The following NEK10 variants were observed in gnomAD, a reference collection of about 807,000 sequenced individuals.
NEK10 encodes the protein serine/threonine-protein kinase Nek10.
In NEK10, 122 loss-of-function variants were observed where a neutral mutation model predicts 159.8. The observed-to-expected ratio is 0.76, with a 90% CI of 0.66 to 0.89. NEK10 has a LOEUF of 0.89. NEK10 is among the 40% of genes least tolerant of loss of function. The pLI is 0.00. For missense variants in NEK10, 1,342 were observed against 1,323.1 expected, an observed-to-expected ratio of 1.01 and a Z score of -0.22; for synonymous variants, 466 against 457.1, an observed-to-expected ratio of 1.02 and a Z score of -0.25.
chr3:27,196,998 C>G (rs1204379398), intron 25 of NEK10, among the ~76,000 whole-genome samples: 1 of 151,922 alleles, frequency 6.6e-6, no homozygotes. Flanking sequence ...TGATGATTGC[C>G]AAAATTGCTC....
chr3:27,226,235 C>T (rs1262022242), intron 23 of NEK10, among the ~76,000 whole-genome samples: 14 of 150,542 alleles, frequency 9.3e-5, no homozygotes, highest in Admixed American at 8.6e-4. Context: ...TTAGTAGAGA[C>T]AGGGTTTCAC....
In NEK10 at chr3:27,314,328, T is replaced by C; in HGVS notation, c.458A>G (p.His153Arg). 1 of 1,599,958 alleles carries C rather than the reference T, an allele frequency of 6.3e-7. No homozygotes were observed. Among genetic ancestry groups the C allele is most frequent in the Non-Finnish European group, 8.5e-7 (1 of 1,170,938 alleles). The stretch of plus-strand genomic sequence containing the variant: ...TAGGTTTTCAATCCCACCCAAGCTA[T>C]GGAGTATTTCCTAATAAAATAAAAG... ...MRDPCYQEIL[H>R]SLGGIENLAQ... is the part of the protein sequence containing the mutation. Residue 153 changes from histidine to arginine, a missense_variant, in exon 7 of 36, where the codon CAT becomes CGT. By Grantham distance (29) the His-to-Arg change is conservative (BLOSUM62 0). Transcript: ENST00000691995.
At position 27,215,475 on chromosome 3, in the gene NEK10, A is replaced by G. The variant is rs181163511; in HGVS notation, c.2091-12918T>C. 23 of 397,050 alleles carry G rather than the reference A, an allele frequency of 5.8e-5. No individual in the cohort carries two copies. The East Asian group carries it at 8.8e-4, about 15-fold the overall frequency. 24.6% of individuals were successfully genotyped at this position (397,050 alleles called of 1,614,324 possible). On this transcript the variant is annotated intron_variant, in intron 23 of 35. Transcript: ENST00000691995. ...AATGACCTGTTCAGTGTGTTATAAG[A>G]ATTGCCAAATGCAATACATTTTTAA...
chr3:27,248,013 A>G (rs920513352), intron 23 of NEK10, among the ~76,000 whole-genome samples: 62 of 151,406 alleles, frequency 4.1e-4, no homozygotes, highest in African/African-American at 1.5e-3. Flanking sequence ...GGTTTTCTTT[A>G]CTGGGAGACT....
chr3:27,152,275 T>A (rs751875800), intron 30 of NEK10, among the ~76,000 whole-genome samples: 11 of 152,176 alleles, frequency 7.2e-5, no homozygotes, highest in Non-Finnish European at 1.3e-4. Context: ...GGAAAACCTA[T>A]CAGATTAATA....
chr3:27,299,405 T>C (rs988093453), intron 13 of NEK10, among the ~76,000 whole-genome samples: 1 of 152,132 alleles, frequency 6.6e-6, no homozygotes. Context: ...AGAGGATGTA[T>C]GGAAATGCCT....
intron 31 of NEK10, among the ~76,000 whole-genome samples, chr3:27,139,263 T>C (rs1002364098): frequency 2.0e-5 from 3 of 152,198 alleles, no homozygotes; most frequent in Non-Finnish European, 1.5e-5. Flanking sequence ...TGAGCCTTCA[T>C]AGCAATTAAA....
intron 1 of NEK10, among the ~76,000 whole-genome samples, chr3:27,361,919 A>G (rs544488252): frequency 1.3e-5 from 2 of 152,306 alleles, no homozygotes; most frequent in African/African-American, 4.8e-5. Flanking sequence ...ATCTCTTTAC[A>G]ATCCAATGTG....
Position 27,280,270 on chromosome 3 carries a change from C to A in NEK10, c.2014+4332G>T, listed in dbSNP as rs1003303518. 2.0e-5 allele frequency among the ~76,000 whole-genome samples: 3 copies of A among 151,374 alleles called. No individual in the cohort carries two copies. In the Admixed American group the frequency reaches 2.0e-4, roughly 10 times the overall value. ...TGTCAGACTCAGCAGAGCAAAAATG[C>A]TACCCATGCATCTGAGGAGGAAGGC... On this transcript the variant is annotated intron_variant, in intron 22 of 35. Coordinates refer to ENST00000691995, the MANE Select transcript of NEK10 (RefSeq NM_001394966.1).
intron 5 of NEK10, among the ~76,000 whole-genome samples, chr3:27,339,778 CAAAA>C (rs33927068): frequency 8.3e-6 from 1 of 119,914 alleles, no homozygotes; most frequent in Admixed American, 8.5e-5. Flanking sequence ...GACTCCATCT[CAAAA>C]AAAAAAAAAA....
intron 6 of NEK10, among the ~76,000 whole-genome samples, chr3:27,319,728 T>C (rs2045479514): frequency 6.9e-6 from 1 of 144,912 alleles, no homozygotes; most frequent in Admixed American, 7.3e-5. Flanking sequence ...ACTTCTGAAA[T>C]ATGAGGGAAG....
chr3:27,241,078 TG>T (rs1387789751), intron 23 of NEK10, among the ~76,000 whole-genome samples: 6 of 152,108 alleles, frequency 3.9e-5, no homozygotes, highest in Non-Finnish European at 5.9e-5. Flanking sequence ...TGGGCATGAC[TG>T]GGGGAAAAAA....
chr3:27,300,273 T>A (rs1305534566), intron 13 of NEK10, among the ~76,000 whole-genome samples: 1 of 152,196 alleles, frequency 6.6e-6, no homozygotes, highest in Admixed American at 6.5e-5. Flanking sequence ...TTAAAATGTT[T>A]TTTTTGTAAA....
intron 5 of NEK10, among the ~76,000 whole-genome samples, chr3:27,341,269 T>G (rs2047184222): frequency 6.6e-6 from 1 of 152,120 alleles, no homozygotes; most frequent in Non-Finnish European, 1.5e-5. Context: ...ATGAAAGGTA[T>G]GAGTTCCATC....
At chr3:27,286,797 T>G (rs933673350) in intron 20 of NEK10, among the ~76,000 whole-genome samples, 1 of 152,042 alleles carries the variant, frequency 6.6e-6, no homozygotes, top group African/African-American at 2.4e-5. Context: ...CAACCTTGAT[T>G]TTTTTGAAGG....
Position 27,202,504 on chromosome 3 carries a change from A to ACTGCCCAGACATCAGCCTT in NEK10, c.2125_2143dup (p.Val715GlufsTer3). On this transcript the variant is annotated stop_gained and frameshift_variant, in exon 24 of 36. Transcript: ENST00000691995. LOFTEE classifies it high-confidence loss of function. ...CGCCATCTGATAAAGGATGCAGCCTACTGCCCAGACATCAGCCTTCTCCCC... is the reference window on the plus strand; with the variant it reads ...CGCCATCTGATAAAGGATGCAGCCTACTGCCCAGACATCAGCCTTCTGCCCAGACATCAGCCTTCTCCCC... 1 of 1,613,200 alleles carries ACTGCCCAGACATCAGCCTT rather than the reference A, an allele frequency of 6.2e-7. No individual in the cohort carries two copies.
At chr3:27,120,618 C>A (rs926410809) in intron 32 of NEK10, among the ~76,000 whole-genome samples, 16 of 152,252 alleles carry the variant, frequency 1.1e-4, no homozygotes, top group African/African-American at 3.4e-4. Context: ...GCATAAGCCA[C>A]CGCGCCTGGC....
intron 30 of NEK10, among the ~76,000 whole-genome samples, chr3:27,153,274 C>T (rs1945066680): frequency 2.0e-5 from 3 of 149,240 alleles, no homozygotes; most frequent in Non-Finnish European, 3.0e-5. Flanking sequence ...GAGCCAAGAT[C>T]GTGCCACTGC....
chr3:27,346,076 G>A lies in NEK10; in HGVS notation c.263+10C>T. On this transcript the variant is annotated intron_variant, in intron 4 of 35. Transcript: ENST00000691995. ...GTTGCTGAAGACGAAGGAGATGCTG[G>A]ATTTCTTACCTAAAATTTTCAAGTT... The A allele has an allele frequency of 6.2e-7, 1 of 1,613,204 alleles. No homozygotes were observed. Among genetic ancestry groups the A allele is most frequent in the South Asian group, 1.1e-5 (1 of 91,044 alleles).
Sources: allele counts gnomAD v4.1 joint callset (sites outside exome capture counted in the v4.1 genomes callset), GRCh38; gene constraint gnomAD v4.1.1; transcripts MANE v1.5; gene names NCBI Gene and HGNC (gene_info 2026-07-23, HGNC 2026-07-21).